PIR: variants seen among roughly 807,000 people sequenced by gnomAD.
The protein encoded by PIR is pirin.
PIR carries 22 observed loss-of-function variants against 24.2 expected under a neutral mutation model. The ratio of observed to expected loss-of-function variants is 0.91; its 90% CI spans 0.65 to 1.30. PIR has a LOEUF of 1.30. Ranked by LOEUF, PIR falls within the 50% of genes most tolerant of loss-of-function variation. The pLI is 0.00. For missense variants in PIR, 220 were observed against 220.3 expected (o/e 1.00, Z 0.01); for synonymous variants, 80 against 79.6 (o/e 1.00, Z -0.03).
chrX:15,482,156 A>G (rs1170810422), intron 2 of PIR, among the ~76,000 whole-genome samples: 1 of 112,301 alleles, frequency 8.9e-6, no homozygotes, highest in Admixed American at 9.4e-5. Flanking sequence ...ATAGAGAAGG[A>G]ATGAATATTT....
rs138390249 is a variant in PIR at position 15,457,887 on chromosome X, A to T, written c.273+1770T>A. On this transcript the variant is annotated intron_variant, in intron 4 of 9. Coordinates refer to ENST00000380420, the MANE Select transcript of PIR (RefSeq NM_001018109.3). ...GGCACACGGCCATGCCCATTCATTG[A>T]CATACTGTCTATGTCTGCTTTCATG... 5.5e-3 allele frequency among the ~76,000 whole-genome samples: 619 copies of T among 112,346 alleles called. 6 individuals carry two copies. Among genetic ancestry groups the T allele is most frequent in the African/African-American group, 0.019 (600 of 30,933 alleles).
intron 2 of PIR, among the ~76,000 whole-genome samples, chrX:15,482,920 T>C (rs886791365): frequency 1.8e-5 from 2 of 110,985 alleles, no homozygotes; most frequent in Non-Finnish European, 3.8e-5. Context: ...TCGATTACCA[T>C]TATGGCTATG....
At chrX:15,477,537 C>T (rs1420851081) in intron 3 of PIR, among the ~76,000 whole-genome samples, 10 of 111,858 alleles carry the variant, frequency 8.9e-5, no homozygotes, top group African/African-American at 9.8e-5. Context: ...TGTTACAACT[C>T]ATACCTGAAT....
chrX:15,469,131 G>C (rs1451203909), intron 3 of PIR, among the ~76,000 whole-genome samples: 1 of 111,173 alleles, frequency 9.0e-6, no homozygotes, highest in Non-Finnish European at 1.9e-5. Context: ...CTCAATGGTG[G>C]GTGGGGGTGC....
intron 3 of PIR, among the ~76,000 whole-genome samples, chrX:15,468,063 T>A (rs1203541747): frequency 8.9e-6 from 1 of 112,580 alleles, no homozygotes; most frequent in African/African-American, 3.2e-5. Flanking sequence ...TTCCATGTTA[T>A]ACTGAAGGGG....
At chrX:15,405,616 G>A (rs767433251) in intron 7 of PIR, among the ~76,000 whole-genome samples, 2 of 111,876 alleles carry the variant, frequency 1.8e-5, no homozygotes, top group Non-Finnish European at 3.8e-5. Context: ...ATCATAAGTC[G>A]GGAGCACTAC....
intron 7 of PIR, among the ~76,000 whole-genome samples, chrX:15,398,706 G>GTA (rs1924273785): frequency 2.7e-5 from 2 of 73,227 alleles, no homozygotes; most frequent in Non-Finnish European, 6.1e-5. Flanking sequence ...GTGTGTGTGT[G>GTA]TGTGAAATTA....
intron 5 of PIR, among the ~76,000 whole-genome samples, chrX:15,447,440 G>C (rs771678854): frequency 4.8e-4 from 53 of 110,913 alleles, no homozygotes; most frequent in Non-Finnish European, 8.5e-4. Context: ...TCAGCCTCCT[G>C]AGTAGCTGGG....
intron 7 of PIR, among the ~76,000 whole-genome samples, chrX:15,406,795 C>T (rs1355945800): frequency 9.0e-6 from 1 of 111,699 alleles, no homozygotes; most frequent in Admixed American, 9.5e-5. Context: ...CCGCTCTGTC[C>T]CTTCTGCTGC....
chrX:15,423,869 G>A (rs755782683), intron 6 of PIR, among the ~76,000 whole-genome samples: 1 of 111,968 alleles, frequency 8.9e-6, no homozygotes, highest in African/African-American at 3.2e-5. Context: ...AAACCACAAC[G>A]AGACATCATC....
chrX:15,448,860 T>C (rs776437340), intron 5 of PIR, among the ~76,000 whole-genome samples: 8 of 112,186 alleles, frequency 7.1e-5, no homozygotes, highest in Admixed American at 2.8e-4. Flanking sequence ...CACATACTGC[T>C]GTTTTCGTAT....
At chrX:15,433,560 A>AAGAG (rs1165457148) in intron 5 of PIR, among the ~76,000 whole-genome samples, 4 of 100,780 alleles carry the variant, frequency 4.0e-5, no homozygotes, top group Admixed American at 1.1e-4. Flanking sequence ...GAAAGAAAGA[A>AAGAG]AGAGAGAGAA....
intron 1 of PIR, among the ~76,000 whole-genome samples, chrX:15,492,688 C>T (rs1210586132): frequency 1.8e-5 from 2 of 111,746 alleles, no homozygotes; most frequent in Non-Finnish European, 3.8e-5. Context: ...AATGATAAGA[C>T]CGCCTACCTC....
intron 5 of PIR, among the ~76,000 whole-genome samples, chrX:15,455,626 T>C (rs1023229240): frequency 8.9e-6 from 1 of 112,597 alleles, no homozygotes; most frequent in Non-Finnish European, 1.9e-5. Flanking sequence ...TCGACCAAAC[T>C]TTATATGAGC....
intron 3 of PIR, among the ~76,000 whole-genome samples, chrX:15,467,388 A>G (rs1240048615): frequency 8.9e-6 from 1 of 112,739 alleles, no homozygotes; most frequent in Admixed American, 9.3e-5. Context: ...CTTGTCTCAG[A>G]GGAGAAATCC....
rs184805891 is a variant in PIR at position 15,406,709 on chromosome X, T to G, written c.610+797A>C. ...AGAGCCTTTTACGGGAACCCATGGC[T>G]GCTTTTAGGAGGATGGGAAGGGGAG... On this transcript the variant is annotated intron_variant, in intron 7 of 9. Coordinates refer to ENST00000380420, the MANE Select transcript of PIR (RefSeq NM_001018109.3). 1.0e-3 allele frequency among the ~76,000 whole-genome samples: 111 copies of G among 111,536 alleles called. 1 individual carries two copies. The highest frequency in any genetic ancestry group is 3.5e-3 in the African/African-American group (107 of 30,748).
At chrX:15,473,333 C>T (rs1309087854) in intron 3 of PIR, among the ~76,000 whole-genome samples, 2 of 111,047 alleles carry the variant, frequency 1.8e-5, no homozygotes, top group Admixed American at 9.6e-5. Context: ...ACAGCCCCCC[C>T]ATAGCAAAGA....
chrX:15,392,517 ATAAT>A (rs1923990386), intron 8 of PIR, among the ~76,000 whole-genome samples: 2 of 111,900 alleles, frequency 1.8e-5, no homozygotes, highest in African/African-American at 6.5e-5. Context: ...AATAAAATTA[ATAAT>A]TAATTCCTTA....
intron 7 of PIR, among the ~76,000 whole-genome samples, chrX:15,399,648 G>C (rs890979998): frequency 4.5e-5 from 5 of 111,999 alleles, no homozygotes; most frequent in African/African-American, 1.6e-4. Context: ...TTTGTCTCCA[G>C]CAGAAATCAT....
Sources: allele counts gnomAD v4.1 joint callset (sites outside exome capture counted in the v4.1 genomes callset), GRCh38; gene constraint gnomAD v4.1.1; transcripts MANE v1.5; gene names NCBI Gene and HGNC (gene_info 2026-07-23, HGNC 2026-07-21).